The following MCTP2 variants were observed in gnomAD, a reference collection of about 807,000 sequenced individuals.
MCTP2 encodes multiple C2 and transmembrane domain containing 2.
MCTP2 carries 132 observed loss-of-function variants against 111.6 expected under a neutral mutation model. The observed-to-expected ratio is 1.18, with a 90% CI of 1.03 to 1.37. The LOEUF (loss-of-function observed/expected upper bound fraction) is 1.37, where lower values mean the gene tolerates loss of function less well. Ranked by LOEUF, MCTP2 falls within the 40% of genes most tolerant of loss-of-function variation. The pLI, the probability that MCTP2 is intolerant of heterozygous loss-of-function variation, is 0.00. For synonymous variants in MCTP2, 395 were observed against 387.7 expected (o/e 1.02, Z -0.22); for missense variants, 1,183 against 1,067.9 (o/e 1.11, Z -1.50).
rs2074829764 is a variant in MCTP2, at chr15:94,483,533, A to T, written c.*4499A>T. The T allele has an allele frequency of 6.6e-6, 1 of 152,224 alleles. No individual in the cohort carries two copies. Among genetic ancestry groups the T allele is most frequent in the African/African-American group, 2.4e-5 (1 of 41,462 alleles). The allele number at this position is 152,224 out of a possible 1,614,324, so 9.4% of individuals were successfully genotyped here. ...GAATACTATGCAGCCATAAAAAAGA[A>T]TGAGATCATGTCCTTTTGCAGGAAC... On this transcript the variant is annotated 3_prime_UTR_variant, in exon 23 of 23. Coordinates refer to ENST00000357742, the MANE Select transcript of MCTP2 (RefSeq NM_001385001.1).
At chr15:94,448,933 C>G (rs563300954) in intron 19 of MCTP2, among the ~76,000 whole-genome samples, 1 of 152,124 alleles carries the variant, frequency 6.6e-6, no homozygotes, top group Non-Finnish European at 1.5e-5. Flanking sequence ...CCCAGCTACT[C>G]GGGAGGCTGA....
intron 19 of MCTP2, among the ~76,000 whole-genome samples, chr15:94,446,981 TGGAA>T (rs1260263298): frequency 1.3e-5 from 2 of 152,256 alleles, no homozygotes; most frequent in African/African-American, 4.8e-5. Context: ...CATATTATAA[TGGAA>T]GGATACAAAT....
At chr15:94,402,253 T>C in intron 17 of MCTP2, 1 of 965,486 alleles carries the variant, frequency 1.0e-6, no homozygotes, top group Non-Finnish European at 1.2e-6. Flanking sequence ...CTCCAGTTGT[T>C]GTTACAGCTA....
chr15:94,245,231 T>G (rs1047507875), intron 1 of MCTP2, among the ~76,000 whole-genome samples: 1 of 140,978 alleles, frequency 7.1e-6, no homozygotes, highest in Non-Finnish European at 1.5e-5. Flanking sequence ...TATATACATA[T>G]GTATGTATAT....
At chr15:94,389,364 GT>G (rs2080726649) in intron 14 of MCTP2, among the ~76,000 whole-genome samples, 1 of 152,140 alleles carries the variant, frequency 6.6e-6, no homozygotes, top group Non-Finnish European at 1.5e-5. Context: ...CCCAGGAAAG[GT>G]TGAGGGAGGT....
In MCTP2 at chr15:94,267,137, T is replaced by C. The variant is rs2073583342; in HGVS notation, c.-65-31064T>C. ...TAGATGGCTGTTGGAGTTTGAGAGA[T>C]ACGTGCAGTCTTGTCACCACTGCCG... On this transcript the variant is annotated intron_variant, in intron 1 of 22. Coordinates refer to ENST00000357742, the MANE Select transcript of MCTP2 (RefSeq NM_001385001.1). 2.0e-5 allele frequency among the ~76,000 whole-genome samples: 3 copies of C among 152,254 alleles called. No individual in the cohort carries two copies. The South Asian group carries it at 6.2e-4, about 31-fold the overall frequency.
At chr15:94,276,144 T>C (rs1393624416) in intron 1 of MCTP2, among the ~76,000 whole-genome samples, 1 of 152,096 alleles carries the variant, frequency 6.6e-6, no homozygotes, top group East Asian at 1.9e-4. Flanking sequence ...GTGCCTGGCC[T>C]TTATAAGTGT....
At chr15:94,249,360 A>T (rs1290913377) in intron 1 of MCTP2, among the ~76,000 whole-genome samples, 1 of 152,052 alleles carries the variant, frequency 6.6e-6, no homozygotes. Context: ...CTTCTATAGG[A>T]TCTATGGTTC....
At chr15:94,233,036 G>T (rs12595780) in intron 1 of MCTP2, among the ~76,000 whole-genome samples, 22,557 of 152,168 alleles carry the variant, frequency 0.15, 2,108 homozygotes, top group East Asian at 0.25. Flanking sequence ...GGCTATTTCT[G>T]AGTGCAGAAC....
chr15:94,245,865 C>T lies in MCTP2; in HGVS notation c.-66+14201C>T, dbSNP rs139625728. On this transcript the variant is annotated intron_variant, in intron 1 of 22. Coordinates refer to ENST00000357742, the MANE Select transcript of MCTP2 (RefSeq NM_001385001.1). ...AAAATATTGATCAGCTATGATTTCACGTTTAAACAGGGCAATAGAGAAAAT... is the reference window on the plus strand; with the variant it reads ...AAAATATTGATCAGCTATGATTTCATGTTTAAACAGGGCAATAGAGAAAAT... Among the ~76,000 whole-genome samples the T allele has an allele frequency of 3.5e-3, 529 of 151,772 alleles. 2 individuals are homozygous for T. The highest frequency in any genetic ancestry group is 0.013 in the South Asian group (61 of 4,806).
At chr15:94,284,100 G>A (rs2074633036) in intron 1 of MCTP2, among the ~76,000 whole-genome samples, 1 of 152,204 alleles carries the variant, frequency 6.6e-6, no homozygotes, top group African/African-American at 2.4e-5. Flanking sequence ...AGCTAGTCAA[G>A]TTTAAAATAT....
At chr15:94,361,404 G>GCTTGCT (rs1196952854) in intron 10 of MCTP2, among the ~76,000 whole-genome samples, 1 of 152,150 alleles carries the variant, frequency 6.6e-6, no homozygotes, top group African/African-American at 2.4e-5. Flanking sequence ...CACATCCTGA[G>GCTTGCT]CTTGCTGATA....
At chr15:94,329,638 T>C (rs2077044441) in intron 4 of MCTP2, among the ~76,000 whole-genome samples, 1 of 152,022 alleles carries the variant, frequency 6.6e-6, no homozygotes, top group Non-Finnish European at 1.5e-5. Flanking sequence ...TCATGAGAAA[T>C]CCACCACCAT....
intron 17 of MCTP2, among the ~76,000 whole-genome samples, chr15:94,430,757 TA>T: frequency 6.6e-6 from 1 of 151,058 alleles, no homozygotes; most frequent in Non-Finnish European, 1.5e-5. Context: ...GTCTCAAAAA[TA>T]AAAAATAAAA....
intron 9 of MCTP2, 105 bp from the exon 10 acceptor site, chr15:94,358,377 C>A: frequency 9.5e-7 from 1 of 1,048,338 alleles, no homozygotes; most frequent in Non-Finnish European, 1.4e-6. Flanking sequence ...GGGGTGAGGT[C>A]CATCATCTTG....
intron 1 of MCTP2, among the ~76,000 whole-genome samples, chr15:94,243,557 A>C (rs1292455500): frequency 6.7e-6 from 1 of 148,972 alleles, no homozygotes; most frequent in African/African-American, 2.5e-5. Context: ...GTATGCGTAT[A>C]TGCGTATGTA....
chr15:94,245,288 A>C (rs1413731324), intron 1 of MCTP2, among the ~76,000 whole-genome samples: 1 of 141,592 alleles, frequency 7.1e-6, no homozygotes, highest in African/African-American at 2.6e-5. Context: ...ATATACACAT[A>C]TGTATATATT....
chr15:94,388,016 C>T (rs115217554), intron 14 of MCTP2, among the ~76,000 whole-genome samples: 177 of 152,192 alleles, frequency 1.2e-3, no homozygotes, highest in African/African-American at 3.7e-3. Flanking sequence ...CTGTGGCGAA[C>T]AGGAAAGGAC....
chr15:94,355,537 A>G (rs1446665805), intron 8 of MCTP2, among the ~76,000 whole-genome samples: 2 of 152,186 alleles, frequency 1.3e-5, no homozygotes, highest in African/African-American at 4.8e-5. Flanking sequence ...AGGTGCAGTG[A>G]GATGTGCTTT....
Sources: gnomAD v4.1 joint callset for allele counts (sites outside exome capture counted in the v4.1 genomes callset) on GRCh38, gnomAD v4.1.1 for gene constraint, MANE v1.5 for transcripts, NCBI Gene and HGNC (gene_info 2026-07-23, HGNC 2026-07-21) for gene names.